EFCAB8: variants seen among roughly 807,000 people sequenced by gnomAD.
EFCAB8 encodes EF-hand calcium binding domain 8.
EFCAB8 carries 100 observed loss-of-function variants against 116.3 expected under a neutral mutation model. That is an observed-to-expected ratio of 0.86 (90% CI 0.73 to 1.02). The LOEUF (loss-of-function observed/expected upper bound fraction) is 1.02, where lower values mean the gene tolerates loss of function less well. EFCAB8 is among the 50% of genes least tolerant of loss of function. The probability of loss-of-function intolerance (pLI) is 0.00; values close to 1 mark genes in which losing one functional copy is unlikely to be tolerated. For missense variants in EFCAB8, 1,320 were observed against 1,416.9 expected (o/e 0.93, Z 1.10); for synonymous variants, 558 against 567.9 (o/e 0.98, Z 0.25).
intron 20 of EFCAB8, among the ~76,000 whole-genome samples, chr20:32,926,229 A>T (rs1027625955): frequency 2.1e-4 from 32 of 152,240 alleles, no homozygotes; most frequent in Non-Finnish European, 2.9e-5. Flanking sequence ...CACTTTGGTG[A>T]ATCCTGTGCA....
intron 3 of EFCAB8, among the ~76,000 whole-genome samples, chr20:32,873,311 C>G (rs1218029923): frequency 6.6e-6 from 1 of 151,756 alleles, no homozygotes; most frequent in Non-Finnish European, 1.5e-5. Context: ...CATCTCTTGA[C>G]CTCGTGATCC....
chr20:32,881,984 G>T (rs904250504), intron 5 of EFCAB8, among the ~76,000 whole-genome samples: 2 of 152,158 alleles, frequency 1.3e-5, no homozygotes, highest in African/African-American at 4.8e-5. Context: ...AAGGTGGGTG[G>T]CTTACCTGAG....
At chr20:32,863,403 T>G (rs370753215) in intron 1 of EFCAB8, among the ~76,000 whole-genome samples, 5 of 152,150 alleles carry the variant, frequency 3.3e-5, no homozygotes, top group African/African-American at 1.2e-4. Flanking sequence ...ATTTTTCTAA[T>G]CTGTTTATTG....
chr20:32,901,886 C>A (rs1429147328), intron 11 of EFCAB8, among the ~76,000 whole-genome samples: 1 of 152,184 alleles, frequency 6.6e-6, no homozygotes. Flanking sequence ...CGGGGTTTCA[C>A]CATGTTGGCC....
Position 32,951,998 on chromosome 20 carries a change from G to A in EFCAB8, c.2960-6423G>A, listed in dbSNP as rs569958645. 6.6e-5 allele frequency among the ~76,000 whole-genome samples: 10 copies of A among 152,242 alleles called. No homozygotes were observed. The South Asian group carries it at 8.3e-4, about 13-fold the overall frequency. ...TCAGTGGCCAGGCATGGTGGCTCAC[G>A]CCTGTAATACCAGCACTTTGGGGGG... On this transcript the variant is annotated intron_variant, in intron 23 of 26. Coordinates refer to ENST00000400522, the MANE Select transcript of EFCAB8 (RefSeq NM_001143967.2).
chr20:32,945,937 A>G (rs1430654543), intron 23 of EFCAB8, among the ~76,000 whole-genome samples: 2 of 152,198 alleles, frequency 1.3e-5, no homozygotes, highest in Non-Finnish European at 2.9e-5. Context: ...AGCGGCTACA[A>G]GCTTCCCCCA....
At chr20:32,861,310 C>T (rs1307793174) in intron 1 of EFCAB8, among the ~76,000 whole-genome samples, 2 of 151,958 alleles carry the variant, frequency 1.3e-5, no homozygotes, top group Non-Finnish European at 2.9e-5. Flanking sequence ...TTTTTTGAGA[C>T]GGAGTTGCGT....
At chr20:32,925,600 G>A (rs1444229071) in intron 20 of EFCAB8, among the ~76,000 whole-genome samples, 2 of 152,200 alleles carry the variant, frequency 1.3e-5, no homozygotes, top group Non-Finnish European at 2.9e-5. Flanking sequence ...TGATCCTCCT[G>A]CCTCAGCCTC....
intron 11 of EFCAB8, among the ~76,000 whole-genome samples, chr20:32,901,699 A>T (rs969589435): frequency 1.3e-5 from 2 of 152,164 alleles, no homozygotes; most frequent in Admixed American, 6.5e-5. Flanking sequence ...TGATTGATTG[A>T]TTGATTGAGA....
chr20:32,864,530 C>T lies in EFCAB8; in HGVS notation c.42+696C>T, dbSNP rs148706968. ...CTGGGATGTCGAGGCTACAGTCAGC[C>T]ATGATCTCGCCATTGCACTTATCCT... On this transcript the variant is annotated intron_variant, in intron 2 of 26. Transcript: ENST00000400522. Among the ~76,000 whole-genome samples the T allele has an allele frequency of 3.7e-3, 568 of 152,216 alleles. 3 individuals carry two copies. In the Middle Eastern group the frequency reaches 0.041, roughly 11 times the overall value.
In EFCAB8 at chr20:32,910,654, A is replaced by G. The variant is rs113033385; in HGVS notation, c.1557+723A>G. On this transcript the variant is annotated intron_variant, in intron 15 of 26. Transcript: ENST00000400522. ...TCAGGGCTCTTCAGTACCTTAAAAA[A>G]GTTTGTTTAAAATTTAAAAAAATTA... 4.2e-3 allele frequency among the ~76,000 whole-genome samples: 644 copies of G among 151,820 alleles called. 4 individuals are homozygous for G. The highest frequency in any genetic ancestry group is 0.015 in the African/African-American group (602 of 41,314).
chr20:32,948,524 A>G (rs966158685), intron 23 of EFCAB8, among the ~76,000 whole-genome samples: 1 of 117,576 alleles, frequency 8.5e-6, no homozygotes, highest in East Asian at 2.5e-4. Context: ...AAGAAAGTGA[A>G]AAAGAAAGAA....
At chr20:32,953,456 G>T (rs1988861490) in intron 23 of EFCAB8, among the ~76,000 whole-genome samples, 1 of 152,076 alleles carries the variant, frequency 6.6e-6, no homozygotes, top group Non-Finnish European at 1.5e-5. Flanking sequence ...CATGCACAAG[G>T]GTTCCAATTT....
At chr20:32,941,805 A>T (rs989303824) in intron 22 of EFCAB8, among the ~76,000 whole-genome samples, 1 of 152,206 alleles carries the variant, frequency 6.6e-6, no homozygotes, top group African/African-American at 2.4e-5. Flanking sequence ...ACAGCTCTGA[A>T]AATACTAAAA....
At chr20:32,935,079 C>T (rs940034340) in intron 22 of EFCAB8, among the ~76,000 whole-genome samples, 1 of 151,424 alleles carries the variant, frequency 6.6e-6, no homozygotes, top group African/African-American at 2.4e-5. Context: ...TAGTGGTGCT[C>T]AGCATTTTTT....
chr20:32,860,637 G>T (rs978736471), intron 1 of EFCAB8, among the ~76,000 whole-genome samples: 1 of 151,472 alleles, frequency 6.6e-6, no homozygotes. Context: ...CTCCCGAGTA[G>T]CTGGGATTAC....
Position 32,906,648 on chromosome 20 carries a change from A to G in EFCAB8, c.1156+19A>G, listed in dbSNP as rs1376508348. On this transcript the variant is annotated intron_variant, in intron 12 of 26. Coordinates refer to ENST00000400522, the MANE Select transcript of EFCAB8 (RefSeq NM_001143967.2). ...TTCCTGGGTAAGTCACCTTCATGTC[A>G]CCCAGAAGCTGCTGGGGGGAGGGCT... 1.4e-6 allele frequency: 1 copy of G among 717,674 alleles called. No homozygotes were observed. The highest frequency in any genetic ancestry group is 1.5e-5 in the South Asian group (1 of 67,540). 44.5% of individuals were successfully genotyped at this position (717,674 alleles called of 1,614,324 possible).
In EFCAB8 at chr20:32,863,758, A is replaced by T. The variant is rs555340378; in HGVS notation, c.-10-25A>T. Reference sequence around the variant, plus strand: ...GTGGTCCTTACAACGACTGGAGTTAAGTTGACTATGATTCCCTATTCTAGG... The same window carrying T: ...GTGGTCCTTACAACGACTGGAGTTATGTTGACTATGATTCCCTATTCTAGG... On this transcript the variant is annotated intron_variant, in intron 1 of 26. Transcript: ENST00000400522. 1.2e-4 allele frequency: 190 copies of T among 1,548,534 alleles called. 3 individuals are homozygous for T. In the South Asian group the frequency reaches 2.2e-3, roughly 18 times the overall value.
At chr20:32,877,502 C>G (rs970241854) in intron 4 of EFCAB8, among the ~76,000 whole-genome samples, 7 of 152,234 alleles carry the variant, frequency 4.6e-5, no homozygotes, top group Non-Finnish European at 2.9e-5. Context: ...AGCCATTGCA[C>G]TTGGCGGTTT....
Sources: allele counts gnomAD v4.1 joint callset (sites outside exome capture counted in the v4.1 genomes callset), GRCh38; gene constraint gnomAD v4.1.1; transcripts MANE v1.5; gene names NCBI Gene and HGNC (gene_info 2026-07-23, HGNC 2026-07-21).